PLCXD3: variants seen among roughly 807,000 people sequenced by gnomAD.
PLCXD3 encodes phosphatidylinositol specific phospholipase C X domain containing 3.
PLCXD3 carries 19 observed loss-of-function variants against 25.5 expected under a neutral mutation model. The observed-to-expected ratio is 0.75, with a 90% confidence interval of 0.52 to 1.09. The LOEUF is 1.09. Among genes scored for constraint, PLCXD3 ranks in the 50% least tolerant of loss-of-function variants. The pLI is 0.00. For missense variants in PLCXD3, 411 were observed against 388.1 expected (o/e 1.06, Z -0.50); for synonymous variants, 174 against 137.6 (o/e 1.26, Z -1.85).
At chr5:41,437,124 A>C (rs1747273254) in intron 1 of PLCXD3, among the ~76,000 whole-genome samples, 2 of 152,186 alleles carry the variant, frequency 1.3e-5, no homozygotes, top group African/African-American at 4.8e-5. Flanking sequence ...ATTTAATAAA[A>C]TTATCCTAGT....
At position 41,390,319 on chromosome 5, in the gene PLCXD3, T is replaced by A. The variant is rs145529290; in HGVS notation, c.104-7785A>T. ...TGCTGACAATTCTGAACAAAACTGT[T>A]CATTGCTGAATATTTTTTCTGGAAA... On this transcript the variant is annotated intron_variant, in intron 1 of 2. Transcript: ENST00000377801. 5.6e-3 allele frequency among the ~76,000 whole-genome samples: 705 copies of A among 125,904 alleles called. 9 individuals are homozygous for A. Among genetic ancestry groups the A allele is most frequent in the African/African-American group, 0.018 (669 of 36,370 alleles). The allele number at this position is 125,904 out of a possible 152,430, so 82.6% of individuals were successfully genotyped here.
intron 1 of PLCXD3, among the ~76,000 whole-genome samples, chr5:41,480,779 G>A (rs1748391824): frequency 1.3e-5 from 2 of 151,980 alleles, no homozygotes; most frequent in Admixed American, 1.3e-4. Context: ...AAATTAGCCA[G>A]GTGTGGTGGC....
At chr5:41,471,843 C>T (rs1367136281) in intron 1 of PLCXD3, among the ~76,000 whole-genome samples, 2 of 7,420 alleles carry the variant, frequency 2.7e-4, no homozygotes, top group Admixed American at 2.1e-3. Context: ...CTCCCCTCCC[C>T]TCCCCTCCCC....
intron 1 of PLCXD3, among the ~76,000 whole-genome samples, chr5:41,478,234 C>T (rs2150522025): frequency 6.6e-6 from 1 of 152,246 alleles, no homozygotes; most frequent in East Asian, 1.9e-4. Flanking sequence ...GTCTCAATTC[C>T]TCAATTCTCA....
chr5:41,372,347 C>CACACACACACACACAT (rs71608606), intron 2 of PLCXD3, among the ~76,000 whole-genome samples: 2 of 132,358 alleles, frequency 1.5e-5, no homozygotes, highest in African/African-American at 5.7e-5. Flanking sequence ...CACACACACA[C>CACACACACACACACAT]ACCAGGCACT....
intron 2 of PLCXD3, among the ~76,000 whole-genome samples, chr5:41,362,237 G>T (rs1289546895): frequency 6.6e-6 from 1 of 151,762 alleles, no homozygotes; most frequent in East Asian, 1.9e-4. Context: ...TTACTTTTTT[G>T]AGTCACTGTG....
intron 1 of PLCXD3, among the ~76,000 whole-genome samples, chr5:41,501,888 G>A (rs1748959162): frequency 6.6e-6 from 1 of 152,074 alleles, no homozygotes; most frequent in Admixed American, 6.6e-5. Flanking sequence ...GGGAAGTGAT[G>A]GGGAAATGAG....
chr5:41,413,442 A>G (rs1746612687), intron 1 of PLCXD3, among the ~76,000 whole-genome samples: 1 of 152,232 alleles, frequency 6.6e-6, no homozygotes, highest in African/African-American at 2.4e-5. Flanking sequence ...ACTATGATAG[A>G]TGTAAAAATA....
At chr5:41,472,763 C>T (rs1748192652) in intron 1 of PLCXD3, among the ~76,000 whole-genome samples, 1 of 152,116 alleles carries the variant, frequency 6.6e-6, no homozygotes, top group Non-Finnish European at 1.5e-5. Flanking sequence ...TTTAGGTTGG[C>T]CTAAATTGCT....
rs1743083951 is a variant in PLCXD3, at chr5:41,309,900, T to C, written c.*3717A>G. 1 of 152,156 alleles carries C rather than the reference T, an allele frequency of 6.6e-6. No individual in the cohort carries two copies. Among genetic ancestry groups the C allele is most frequent in the South Asian group, 2.1e-4 (1 of 4,834 alleles). The allele number at this position is 152,156 out of a possible 1,614,324, so 9.4% of individuals were successfully genotyped here. The stretch of plus-strand genomic sequence containing the variant: ...ATATTTGAATTATGTTTATATCTAC[T>C]AATGTAGGAGATATTGATTTTAAGA... On this transcript the variant is annotated 3_prime_UTR_variant, in exon 3 of 3. Transcript: ENST00000377801.
chr5:41,458,283 A>G (rs991956244), intron 1 of PLCXD3, among the ~76,000 whole-genome samples: 1 of 151,898 alleles, frequency 6.6e-6, no homozygotes, highest in Non-Finnish European at 1.5e-5. Flanking sequence ...TATAGAAGGA[A>G]TAAAAAACAT....
chr5:41,403,411 T>TTTTTTTG (rs1554047977), intron 1 of PLCXD3, among the ~76,000 whole-genome samples: 1 of 38,334 alleles, frequency 2.6e-5, no homozygotes, highest in African/African-American at 8.9e-5. Context: ...GTTTTTTTTT[T>TTTTTTTG]TTTTTATTAT....
intron 1 of PLCXD3, among the ~76,000 whole-genome samples, chr5:41,509,824 C>T (rs1314795912): frequency 6.6e-6 from 1 of 152,242 alleles, no homozygotes; most frequent in East Asian, 1.9e-4. Context: ...ATGGTGCCCT[C>T]TGCCCGTCGC....
At chr5:41,438,924 T>C (rs555473220) in intron 1 of PLCXD3, among the ~76,000 whole-genome samples, 19 of 152,354 alleles carry the variant, frequency 1.2e-4, no homozygotes, top group Non-Finnish European at 2.5e-4. Flanking sequence ...GAGCTTTACA[T>C]GTATTTTTTC....
At chr5:41,372,968 T>C (rs1422886459) in intron 2 of PLCXD3, among the ~76,000 whole-genome samples, 1 of 152,050 alleles carries the variant, frequency 6.6e-6, no homozygotes, top group Admixed American at 6.6e-5. Flanking sequence ...CAATTGAACC[T>C]GGGAGGCGGA....
chr5:41,367,082 T>C (rs1283310331), intron 2 of PLCXD3, among the ~76,000 whole-genome samples: 1 of 152,184 alleles, frequency 6.6e-6, no homozygotes, highest in Non-Finnish European at 1.5e-5. Flanking sequence ...CTATTGTGAG[T>C]AGTGCTGCAA....
chr5:41,485,126 A>G (rs912282673), intron 1 of PLCXD3, among the ~76,000 whole-genome samples: 1 of 152,168 alleles, frequency 6.6e-6, no homozygotes, highest in African/African-American at 2.4e-5. Flanking sequence ...CAATTATTTC[A>G]TTTCATTCAC....
intron 2 of PLCXD3, among the ~76,000 whole-genome samples, chr5:41,369,873 G>A (rs944726266): frequency 3.3e-5 from 5 of 152,052 alleles, no homozygotes; most frequent in African/African-American, 7.2e-5. Flanking sequence ...TTTTCTGTTC[G>A]GTATTCAGAC....
Position 41,420,295 on chromosome 5 carries a change from G to A in PLCXD3, c.104-37761C>T, listed in dbSNP as rs202038250. Reference sequence around the variant, plus strand: ...ATGTCATTAAATTGGTCTTATTTGAGATGAATATATTGTGCTCGTTTAACT... The same window carrying A: ...ATGTCATTAAATTGGTCTTATTTGAAATGAATATATTGTGCTCGTTTAACT... On this transcript the variant is annotated intron_variant, in intron 1 of 2. Transcript: ENST00000377801. Among the ~76,000 whole-genome samples, 53 of 152,272 alleles carry A rather than the reference G, an allele frequency of 3.5e-4. No homozygotes were observed. The East Asian group carries it at 6.6e-3, about 19-fold the overall frequency.
Sources: allele counts gnomAD v4.1 joint callset (sites outside exome capture counted in the v4.1 genomes callset), GRCh38; gene constraint gnomAD v4.1.1; transcripts MANE v1.5; gene names NCBI Gene and HGNC (gene_info 2026-07-23, HGNC 2026-07-21).